The following ZNF407 variants were observed in gnomAD, a reference collection of about 807,000 sequenced individuals.
ZNF407 encodes the protein zinc finger protein 407.
Under a neutral mutation model 131.2 loss-of-function variants are expected in ZNF407, and 17 were observed. That is an observed-to-expected ratio of 0.13 (90% CI 0.09 to 0.19). The LOEUF is 0.19. Ranked by LOEUF, ZNF407 falls within the 10% of genes least tolerant of loss-of-function variation. ZNF407 has a pLI of 1.00. For synonymous variants in ZNF407, 1,156 were observed against 1,062.0 expected (o/e 1.09, Z -1.72); for missense variants, 2,681 against 2,830.6 (o/e 0.95, Z 1.20).
intron 7 of ZNF407, among the ~76,000 whole-genome samples, chr18:74,904,576 C>T (rs766558663): frequency 6.6e-6 from 1 of 152,184 alleles, no homozygotes; most frequent in Non-Finnish European, 1.5e-5. Context: ...ATTTGGGTTT[C>T]TGAATGAAAA....
intron 3 of ZNF407, among the ~76,000 whole-genome samples, chr18:74,742,577 T>G (rs755829587): frequency 6.6e-6 from 1 of 152,250 alleles, no homozygotes; most frequent in Non-Finnish European, 1.5e-5. Context: ...GTTTTTTATG[T>G]AAAGTCATGA....
At chr18:74,981,529 A>G (rs1385586334) in intron 8 of ZNF407, among the ~76,000 whole-genome samples, 3 of 152,248 alleles carry the variant, frequency 2.0e-5, no homozygotes, top group East Asian at 1.9e-4. Context: ...GATGAGGTTC[A>G]TAGAGTATGT....
chr18:74,924,381 C>G (rs1169959924), intron 8 of ZNF407, among the ~76,000 whole-genome samples: 1 of 151,754 alleles, frequency 6.6e-6, no homozygotes, highest in African/African-American at 2.4e-5. Flanking sequence ...TTCATTTAGG[C>G]CCAATCTAGG....
intron 8 of ZNF407, chr18:75,062,445 A>G (rs1342181791): frequency 6.6e-6 from 1 of 152,244 alleles, no homozygotes; most frequent in Non-Finnish European, 1.5e-5. Flanking sequence ...TCTGCAGTAT[A>G]GACTCCCCTC....
intron 1 of ZNF407, among the ~76,000 whole-genome samples, chr18:74,609,699 G>A (rs540597657): frequency 6.6e-6 from 1 of 152,270 alleles, no homozygotes; most frequent in African/African-American, 2.4e-5. Flanking sequence ...TGAGAAATGT[G>A]TTGTACTAAG....
chr18:74,908,826 A>T (rs1391230666), intron 7 of ZNF407, among the ~76,000 whole-genome samples: 2 of 152,132 alleles, frequency 1.3e-5, no homozygotes, highest in Non-Finnish European at 2.9e-5. Context: ...CTTTAAAGCA[A>T]CATATATGGA....
chr18:74,800,960 G>A (rs900476292), intron 4 of ZNF407, among the ~76,000 whole-genome samples: 8 of 150,436 alleles, frequency 5.3e-5, no homozygotes, highest in Admixed American at 2.0e-4. Flanking sequence ...TCATTATACC[G>A]TTTTTTTTTA....
chr18:74,650,019 G>A (rs1985154589), intron 3 of ZNF407, among the ~76,000 whole-genome samples: 1 of 152,160 alleles, frequency 6.6e-6, no homozygotes, highest in Non-Finnish European at 1.5e-5. Flanking sequence ...CAAGCAATTT[G>A]GGTATTCATT....
At chr18:74,916,638 G>A (rs1334839071) in intron 7 of ZNF407, among the ~76,000 whole-genome samples, 1 of 136,338 alleles carries the variant, frequency 7.3e-6, no homozygotes, top group East Asian at 2.1e-4. Context: ...GAGTGTGTGT[G>A]TGTGTGTGTG....
intron 4 of ZNF407, among the ~76,000 whole-genome samples, 199 bp from the exon 5 acceptor site, chr18:74,876,997 GC>G (rs1971166365): frequency 6.6e-6 from 1 of 152,236 alleles, no homozygotes; most frequent in Non-Finnish European, 1.5e-5. Context: ...CAACCGCAAA[GC>G]AGAGAATAAA....
intron 8 of ZNF407, among the ~76,000 whole-genome samples, chr18:75,028,659 A>C (rs898817431): frequency 6.6e-6 from 1 of 152,222 alleles, no homozygotes; most frequent in African/African-American, 2.4e-5. Flanking sequence ...GAATTCCGCT[A>C]GGTACTGAGA....
chr18:74,746,163 A>C (rs768269142), intron 3 of ZNF407, among the ~76,000 whole-genome samples: 11 of 152,166 alleles, frequency 7.2e-5, no homozygotes, highest in Non-Finnish European at 1.6e-4. Context: ...TAAACATAGA[A>C]TGGTACAGTA....
rs117422130 is a variant in ZNF407, at chr18:74,800,323, C to T, written c.4877+18821C>T. 5.7e-3 allele frequency among the ~76,000 whole-genome samples: 865 copies of T among 152,156 alleles called. 5 individuals are homozygous for T. The highest frequency in any genetic ancestry group is 0.017 in the Middle Eastern group (5 of 294). On this transcript the variant is annotated intron_variant, in intron 4 of 8. Transcript: ENST00000299687. ...GTGCATTCCCCTGCTTTTGAGTTTG[C>T]TGATTAGATTGTACTCTTTTATTGT... is the stretch of plus-strand genomic sequence containing the variant.
chr18:74,695,410 A>G (rs1967327920), intron 3 of ZNF407, among the ~76,000 whole-genome samples: 1 of 152,174 alleles, frequency 6.6e-6, no homozygotes, highest in Admixed American at 6.5e-5. Flanking sequence ...TCTGGTGACA[A>G]TAGCGTTCTG....
intron 8 of ZNF407, among the ~76,000 whole-genome samples, chr18:74,964,197 A>C (rs1462217508): frequency 6.6e-6 from 1 of 152,180 alleles, no homozygotes; most frequent in Non-Finnish European, 1.5e-5. Flanking sequence ...CTGGACCCCA[A>C]ATGGATGGGA....
chr18:74,812,634 G>T (rs1321129786), intron 4 of ZNF407, among the ~76,000 whole-genome samples: 33 of 151,930 alleles, frequency 2.2e-4, no homozygotes, highest in Admixed American at 2.2e-3. Context: ...TGAATGTAGG[G>T]GTTGTTGTTT....
At chr18:74,619,042 T>G (rs1983420907) in intron 1 of ZNF407, among the ~76,000 whole-genome samples, 1 of 152,234 alleles carries the variant, frequency 6.6e-6, no homozygotes, top group Admixed American at 6.5e-5. Context: ...TCATCTCTTC[T>G]CATGGACCCA....
intron 8 of ZNF407, among the ~76,000 whole-genome samples, chr18:75,015,312 C>T (rs1973030002): frequency 6.6e-6 from 1 of 151,588 alleles, no homozygotes; most frequent in South Asian, 2.1e-4. Flanking sequence ...GGTATCGATG[C>T]TTATTATACT....
At chr18:74,835,629 G>GGTGTGTGTGTTTGT (rs1555693409) in intron 4 of ZNF407, among the ~76,000 whole-genome samples, 153 of 92,198 alleles carry the variant, frequency 1.7e-3, no homozygotes, top group African/African-American at 7.1e-3. Context: ...GACAGAGGGG[G>GGTGTGTGTGTTTGT]GTGTGTGTGT....
Sources: allele counts gnomAD v4.1 joint callset (sites outside exome capture counted in the v4.1 genomes callset), GRCh38; gene constraint gnomAD v4.1.1; transcripts MANE v1.5; gene names NCBI Gene and HGNC (gene_info 2026-07-23, HGNC 2026-07-21).